Variants in CSMD1 observed in about 807,000 individuals in gnomAD.
The protein encoded by CSMD1 is CUB and Sushi multiple domains 1, also known as CUB and sushi domain-containing protein 1.
Under a neutral mutation model 417.5 loss-of-function variants are expected in CSMD1, and 213 were observed. That is an observed-to-expected ratio of 0.51 (90% CI 0.46 to 0.57). The LOEUF (loss-of-function observed/expected upper bound fraction) is 0.57. Ranked by LOEUF, CSMD1 falls within the 20% of genes least tolerant of loss-of-function variation. CSMD1 has a pLI of 0.00. For missense variants in CSMD1, 6,923 were observed against 4,529.7 expected, an observed-to-expected ratio of 1.53 and a Z score of -15.17; for synonymous variants, 2,862 against 1,736.8, an observed-to-expected ratio of 1.65 and a Z score of -16.11.
intron 2 of CSMD1, among the ~76,000 whole-genome samples, chr8:4,484,023 G>C (rs1020640875): frequency 6.6e-6 from 1 of 152,024 alleles, no homozygotes; most frequent in Non-Finnish European, 1.5e-5. Context: ...TTGGATGATA[G>C]GGCTGCATTA....
At chr8:3,440,546 G>C (rs1017163645) in intron 12 of CSMD1, among the ~76,000 whole-genome samples, 1 of 152,156 alleles carries the variant, frequency 6.6e-6, no homozygotes, top group African/African-American at 2.4e-5. Context: ...GAGTTTATCT[G>C]TGAATTCTTT....
intron 3 of CSMD1, among the ~76,000 whole-genome samples, chr8:4,286,754 A>T (rs1180068047): frequency 6.6e-6 from 1 of 152,196 alleles, no homozygotes; most frequent in Non-Finnish European, 1.5e-5. Flanking sequence ...TGCTTGATAA[A>T]TATTAGTTTT....
intron 18 of CSMD1, among the ~76,000 whole-genome samples, chr8:3,385,073 T>G (rs1173018947): frequency 8.8e-6 from 1 of 113,672 alleles, no homozygotes; most frequent in African/African-American, 3.6e-5. Context: ...TATATAAATA[T>G]ATATATAATT....
At chr8:4,433,368 T>C (rs1014742169) in intron 2 of CSMD1, among the ~76,000 whole-genome samples, 1 of 152,090 alleles carries the variant, frequency 6.6e-6, no homozygotes. Flanking sequence ...ACTCATAATA[T>C]CATGGACATG....
intron 3 of CSMD1, among the ~76,000 whole-genome samples, chr8:4,333,395 G>A (rs1795752540): frequency 6.6e-6 from 1 of 152,134 alleles, no homozygotes; most frequent in Non-Finnish European, 1.5e-5. Flanking sequence ...GACAGGGGTT[G>A]AATTTCTGTC....
intron 5 of CSMD1, chr8:3,950,074 TAAAAAG>T (rs1301537326): frequency 1.4e-5 from 6 of 443,688 alleles, no homozygotes; most frequent in Non-Finnish European, 2.3e-5. Flanking sequence ...TGCCAGAAAA[TAAAAAG>T]AAAATCTTCC....
chr8:3,939,845 G>C (rs986441291), intron 5 of CSMD1, among the ~76,000 whole-genome samples: 2 of 152,044 alleles, frequency 1.3e-5, no homozygotes, highest in African/African-American at 4.8e-5. Context: ...TAATATAATG[G>C]ACATTGGGTA....
chr8:4,227,332 C>G (rs942618632), intron 3 of CSMD1, among the ~76,000 whole-genome samples: 1 of 152,124 alleles, frequency 6.6e-6, no homozygotes, highest in Non-Finnish European at 1.5e-5. Context: ...ACTCACCACC[C>G]CTGCCTGTCC....
intron 10 of CSMD1, among the ~76,000 whole-genome samples, chr8:3,524,462 T>G (rs1351560852): frequency 6.9e-6 from 1 of 145,892 alleles, no homozygotes; most frequent in African/African-American, 2.6e-5. Context: ...CACATATGCA[T>G]GCACACCCAG....
intron 1 of CSMD1, among the ~76,000 whole-genome samples, chr8:4,692,555 G>C (rs1004390934): frequency 1.6e-4 from 24 of 152,072 alleles, no homozygotes; most frequent in Admixed American, 5.2e-4. Context: ...ACATGAAGAG[G>C]GCCGGGAAGA....
At chr8:4,161,438 A>G (rs1797156385) in intron 3 of CSMD1, among the ~76,000 whole-genome samples, 1 of 152,190 alleles carries the variant, frequency 6.6e-6, no homozygotes, top group South Asian at 2.1e-4. Flanking sequence ...AGAAGAGAAA[A>G]TTGAAACTGG....
intron 1 of CSMD1, among the ~76,000 whole-genome samples, chr8:4,910,202 C>G (rs537953462): frequency 6.6e-6 from 1 of 152,262 alleles, no homozygotes; most frequent in African/African-American, 2.4e-5. Flanking sequence ...ACTTGTTATA[C>G]TGGACTAAAT....
intron 3 of CSMD1, among the ~76,000 whole-genome samples, chr8:4,210,023 C>G (rs759866215): frequency 1.3e-4 from 20 of 152,156 alleles, no homozygotes; most frequent in African/African-American, 4.6e-4. Flanking sequence ...TTAGCTAGTT[C>G]TCTATTTGGT....
chr8:3,011,909 A>G (rs757106510), intron 52 of CSMD1, among the ~76,000 whole-genome samples: 1 of 152,232 alleles, frequency 6.6e-6, no homozygotes, highest in African/African-American at 2.4e-5. Context: ...TAATTAAGGG[A>G]TCATGTAGAT....
At chr8:4,954,333 A>C (rs1808945154) in intron 1 of CSMD1, among the ~76,000 whole-genome samples, 1 of 152,194 alleles carries the variant, frequency 6.6e-6, no homozygotes, top group Admixed American at 6.5e-5. Context: ...GTTATTTAAA[A>C]AGGTGATATT....
chr8:3,163,518 G>A (rs1276068368), intron 37 of CSMD1, among the ~76,000 whole-genome samples: 2 of 152,064 alleles, frequency 1.3e-5, no homozygotes, highest in Non-Finnish European at 1.5e-5. Flanking sequence ...CCCATGGGCC[G>A]GTCCCCACGC....
chr8:4,070,501 G>A lies in CSMD1; in HGVS notation c.416-38402C>T, dbSNP rs994441769. The stretch of plus-strand genomic sequence containing the variant: ...GCCTCCCGAGTAGCTGGGACTACAG[G>A]CGCCCGCCACCACGGCCGGCTATTT... On this transcript the variant is annotated intron_variant, in intron 3 of 69. Transcript: ENST00000635120. 2.5e-4 allele frequency among the ~76,000 whole-genome samples: 38 copies of A among 152,168 alleles called. 1 individual carries two copies. The East Asian group carries it at 5.6e-3, about 23-fold the overall frequency.
At chr8:3,953,804 C>A (rs1811742675) in intron 5 of CSMD1, among the ~76,000 whole-genome samples, 1 of 152,122 alleles carries the variant, frequency 6.6e-6, no homozygotes, top group African/African-American at 2.4e-5. Flanking sequence ...CAGAGCTATA[C>A]AGCCATGAGA....
chr8:3,043,486 T>G (rs1367902965), intron 50 of CSMD1, among the ~76,000 whole-genome samples: 1 of 152,090 alleles, frequency 6.6e-6, no homozygotes, highest in Admixed American at 6.6e-5. Context: ...TGCTCTGGTT[T>G]GCTTTCCCTT....
Sources: allele counts gnomAD v4.1 joint callset (sites outside exome capture counted in the v4.1 genomes callset), GRCh38; gene constraint gnomAD v4.1.1; transcripts MANE v1.5; gene names NCBI Gene and HGNC (gene_info 2026-07-23, HGNC 2026-07-21).